Variants in UBALD1 observed in about 807,000 individuals in gnomAD.
The protein encoded by UBALD1 is UBA-like domain-containing protein 1.
UBALD1 carries 5 observed loss-of-function variants against 16.1 expected under a neutral mutation model. The observed-to-expected ratio is 0.31, with a 90% confidence interval of 0.16 to 0.66. The LOEUF is 0.66. Among genes scored for constraint, UBALD1 ranks in the 30% least tolerant of loss-of-function variants. The pLI, the probability that UBALD1 is intolerant of heterozygous loss-of-function variation, is 0.77. For missense variants in UBALD1, 220 were observed against 252.8 expected (o/e 0.87, Z 0.88); for synonymous variants, 146 against 105.3 (o/e 1.39, Z -2.37).
intron 1 of UBALD1, among the ~76,000 whole-genome samples, chr16:4,611,834 G>C (rs534582802): frequency 1.3e-5 from 2 of 152,166 alleles, no homozygotes; most frequent in African/African-American, 4.8e-5. Flanking sequence ...TTGCGCAAGG[G>C]CCAGTGAGGG....
chr16:4,610,535 GA>G lies in UBALD1; in HGVS notation c.140del (p.Phe47SerfsTer15), dbSNP rs1366333891. 1.9e-6 allele frequency: 3 copies of G among 1,612,404 alleles called. No homozygotes were observed. The highest frequency in any genetic ancestry group is 2.2e-5 in the South Asian group (2 of 90,718). Reference protein sequence around the residue: ...WQFETALSAFFQETNIPYSHH... With the variant: ...WQFETALSAFXQETNIPYSHH... ...GGCTGTAGGGGATGTTGGTCTCCTGGAAAAAGGCGCTGAGGGCTGTCTGCAG... is the reference window on the plus strand; with the variant it reads ...GGCTGTAGGGGATGTTGGTCTCCTGGAAAAGGCGCTGAGGGCTGTCTGCAG... On this transcript the variant is annotated frameshift_variant, in exon 2 of 3. Transcript: ENST00000283474. LOFTEE classifies it high-confidence loss of function.
intron 2 of UBALD1, 179 bp downstream of exon 2, chr16:4,610,314 C>G (rs528958607): frequency 1.4e-6 from 1 of 736,422 alleles, no homozygotes; most frequent in South Asian, 1.6e-5. Flanking sequence ...GGGGAGCTGG[C>G]ACAGGCAAGA....
At position 4,609,725 on chromosome 16, in the gene UBALD1, G is replaced by C; in HGVS notation, c.442C>G (p.Pro148Ala). Reference sequence around the variant, plus strand: ...GGCCAGTCTGAAGCCGGAGAAGGGGGTGTTGGAGTCCACAGGGGCGGCTGT... The same window carrying C: ...GGCCAGTCTGAAGCCGGAGAAGGGGCTGTTGGAGTCCACAGGGGCGGCTGT... ...QPQPPLWTPT[P>A]PSPASDWPPL... Residue 148 changes from proline to alanine, a missense_variant, in exon 3 of 3, where the codon CCC becomes GCC. By Grantham distance (27) the Pro-to-Ala change is conservative. Coordinates refer to ENST00000283474, the MANE Select transcript of UBALD1 (RefSeq NM_145253.3). 6.7e-7 allele frequency: 1 copy of C among 1,492,106 alleles called. No individual in the cohort carries two copies. The highest frequency in any genetic ancestry group is 1.4e-5 in the South Asian group (1 of 72,618). 92.4% of individuals were successfully genotyped at this position (1,492,106 alleles called of 1,614,324 possible). A position where few individuals can be genotyped will look rare whatever the true frequency, so the allele number is the denominator to read the frequency against.
Position 4,614,692 on chromosome 16 carries a change from G to A in UBALD1, c.106C>T (p.His36Tyr). The A allele has an allele frequency of 1.3e-6, 2 of 1,549,392 alleles. No individual in the cohort carries two copies. The highest frequency in any genetic ancestry group is 1.7e-6 in the Non-Finnish European group (2 of 1,150,310). Reference sequence around the variant, plus strand: ...GCGCCGCGCACCTCGAACTGCCAGTGGGCCGCCTGCAGCAGTTGCTTCGCC... The same window carrying A: ...GCGCCGCGCACCTCGAACTGCCAGTAGGCCGCCTGCAGCAGTTGCTTCGCC... ...DQAKQLLQAA[H>Y]WQFETALSAF... Residue 36 changes from histidine to tyrosine, a missense_variant, in exon 1 of 3, where the codon CAC (histidine) becomes TAC (tyrosine). Around this residue, in one of 2 missense-constraint regions of UBALD1, gnomAD observed 69 missense variants for 120.3 expected, o/e 0.57. Coordinates refer to ENST00000283474, the MANE Select transcript of UBALD1 (RefSeq NM_145253.3).
At chr16:4,610,054 G>A in intron 2 of UBALD1, 71 bp from the exon 3 acceptor site, 1 of 1,182,358 alleles carries the variant, frequency 8.5e-7, no homozygotes, top group Non-Finnish European at 1.2e-6. Flanking sequence ...CTCCCAAGGG[G>A]AGATGCGTGG....
chr16:4,611,046 C>T (rs1156905993), intron 1 of UBALD1: 1 of 237,892 alleles, frequency 4.2e-6, no homozygotes, highest in Non-Finnish European at 8.0e-6. Context: ...GCAAAAGCAT[C>T]CTGAAGGAGT....
intron 1 of UBALD1, chr16:4,614,123 G>T: frequency 5.2e-6 from 1 of 191,488 alleles, no homozygotes; most frequent in Non-Finnish European, 1.1e-5. Flanking sequence ...CGCACCAGGG[G>T]GCTGCGCGTT....
At chr16:4,610,723 A>T (rs1209289283) in intron 1 of UBALD1, 168 bp from the exon 2 acceptor site, 3 of 703,520 alleles carry the variant, frequency 4.3e-6, no homozygotes, top group Non-Finnish European at 7.0e-6. Context: ...CCCAACCCTC[A>T]CTGCTGTCTA....
At chr16:4,614,478 TG>T in intron 1 of UBALD1, 199 bp downstream of exon 1, 1 of 827,490 alleles carries the variant, frequency 1.2e-6, no homozygotes, top group Non-Finnish European at 1.7e-6. Flanking sequence ...CCCCGACCGG[TG>T]GCCCGGTTCC....
chr16:4,610,874 C>T (rs765127554), intron 1 of UBALD1: 11 of 441,508 alleles, frequency 2.5e-5, no homozygotes, highest in East Asian at 6.9e-5. Flanking sequence ...TGGGGGAGGG[C>T]GGGCAGTACA....
chr16:4,613,629 T>C (rs779856900), intron 1 of UBALD1, among the ~76,000 whole-genome samples: 1 of 152,172 alleles, frequency 6.6e-6, no homozygotes, highest in Non-Finnish European at 1.5e-5. Flanking sequence ...CCGGGATGGC[T>C]GAGGCCATGA....
At position 4,609,278 on chromosome 16, in the gene UBALD1, A is replaced by C; in HGVS notation, c.*355T>G. The C allele has an allele frequency of 4.6e-6, 1 of 215,574 alleles. No homozygotes were observed. Among genetic ancestry groups the C allele is most frequent in the Non-Finnish European group, 9.1e-6 (1 of 109,652 alleles). The allele number at this position is 215,574 out of a possible 1,614,324, so 13.4% of individuals were successfully genotyped here. A position where few individuals can be genotyped will look rare whatever the true frequency, so the allele number is the denominator to read the frequency against. On this transcript the variant is annotated 3_prime_UTR_variant, in exon 3 of 3. Transcript: ENST00000283474. ...GGCCTGCCGGCCCCCAAGGAGCTCC[A>C]AGCCAGGGATCAGCAATGTCTCTGC...
intron 1 of UBALD1, 143 bp downstream of exon 1, chr16:4,614,535 G>A: frequency 7.7e-7 from 1 of 1,291,182 alleles, no homozygotes; most frequent in Non-Finnish European, 1.0e-6. Flanking sequence ...GCCGGGCACC[G>A]CCGTCGGGAA....
chr16:4,609,960 AGGGGTATTGGCG>A lies in UBALD1; in HGVS notation c.195_206del (p.Asn67_Ala70del). 1 of 1,541,864 alleles carries A rather than the reference AGGGGTATTGGCG, an allele frequency of 6.5e-7. No homozygotes were observed. Among genetic ancestry groups the A allele is most frequent in the Non-Finnish European group, 8.7e-7 (1 of 1,145,576 alleles). On this transcript the variant is annotated inframe_deletion, in exon 3 of 3. Coordinates refer to ENST00000283474, the MANE Select transcript of UBALD1 (RefSeq NM_145253.3). The stretch of plus-strand genomic sequence containing the variant: ...CGTCAGGGAAGTTGGGGGGTGTAGC[AGGGGTATTGGCG>A]GGGGTGCACATCTGTGAGGGGAAGA...
At chr16:4,610,256 G>A (rs1471946473) in intron 2 of UBALD1, 2 of 713,660 alleles carry the variant, frequency 2.8e-6, no homozygotes, top group South Asian at 1.5e-5. Flanking sequence ...GGGGGCTGTA[G>A]GGTAAGGAGC....
Position 4,609,836 on chromosome 16 carries a change from A to G in UBALD1, c.331T>C (p.Phe111Leu). 2 of 1,513,324 alleles carry G rather than the reference A, an allele frequency of 1.3e-6. No homozygotes were observed. The highest frequency in any genetic ancestry group is 1.8e-6 in the Non-Finnish European group (2 of 1,131,730). 93.7% of individuals were successfully genotyped at this position (1,513,324 alleles called of 1,614,324 possible). ...AATATSPPPH[F>L]PHAATSSSAA... is the part of the protein sequence containing the mutation. ...GAGCTGCTGGTGGCGGCATGGGGGA[A>G]GTGTGGCGGGGGTGACGTGGCTGTC... The change falls in exon 3 of 3, where the codon TTC becomes CTC. Residue 111 changes from phenylalanine (F) to leucine (L), a missense_variant. Physicochemically the swap from Phe to Leu is conservative, Grantham distance 22. Transcript: ENST00000283474.
chr16:4,610,894 G>C (rs1307520146), intron 1 of UBALD1: 18 of 421,774 alleles, frequency 4.3e-5, no homozygotes, highest in Middle Eastern at 6.0e-4. Context: ...ACCCCATCCT[G>C]GGGGAAAGGC....
At chr16:4,610,690 G>C (rs776384386) in intron 1 of UBALD1, 135 bp from the exon 2 acceptor site, 1 of 946,098 alleles carries the variant, frequency 1.1e-6, no homozygotes, top group Non-Finnish European at 1.6e-6. Context: ...GCGGTGCTGA[G>C]GCTCAGTGGC....
intron 2 of UBALD1, chr16:4,610,256 G>C (rs1471946473): frequency 1.4e-6 from 1 of 713,776 alleles, no homozygotes; most frequent in Non-Finnish European, 2.5e-6. Context: ...GGGGGCTGTA[G>C]GGTAAGGAGC....
Sources: gnomAD v4.1 joint callset for allele counts (sites outside exome capture counted in the v4.1 genomes callset) on GRCh38, gnomAD v4.1.1 for gene constraint, gnomAD v4.1.1 regional missense constraint, MANE v1.5 for transcripts, NCBI Gene and HGNC (gene_info 2026-07-23, HGNC 2026-07-21) for gene names.